The following CCBE1 variants were observed in gnomAD, a reference collection of about 807,000 sequenced individuals.
The protein encoded by CCBE1 is collagen and calcium binding EGF domains 1.
A neutral mutation model predicts 50.0 loss-of-function variants in CCBE1; 37 were observed. The observed-to-expected ratio is 0.74, with a 90% CI of 0.57 to 0.97. The LOEUF (loss-of-function observed/expected upper bound fraction) is 0.97, where lower values mean the gene tolerates loss of function less well. Among genes scored for constraint, CCBE1 ranks in the 50% least tolerant of loss-of-function variants. The pLI is 0.00. For synonymous variants in CCBE1, 234 were observed against 203.7 expected (o/e 1.15, Z -1.27); for missense variants, 538 against 523.8 (o/e 1.03, Z -0.26).
At chr18:59,562,904 T>C (rs1339734073) in intron 2 of CCBE1, among the ~76,000 whole-genome samples, 1 of 152,038 alleles carries the variant, frequency 6.6e-6, no homozygotes, top group East Asian at 1.9e-4. Context: ...TCTCGTTTGT[T>C]TCAGTTCTCT....
chr18:59,527,080 ATC>A (rs1914854634), intron 2 of CCBE1, among the ~76,000 whole-genome samples: 1 of 151,972 alleles, frequency 6.6e-6, no homozygotes, highest in Admixed American at 6.6e-5. Context: ...TCTCTCGATG[ATC>A]TAATATTGAC....
intron 2 of CCBE1, among the ~76,000 whole-genome samples, chr18:59,530,191 G>A (rs1598983847): frequency 6.6e-6 from 1 of 152,180 alleles, no homozygotes; most frequent in Non-Finnish European, 1.5e-5. Context: ...CACTGGCAGA[G>A]AAGAGGCACC....
intron 2 of CCBE1, among the ~76,000 whole-genome samples, chr18:59,601,613 C>T (rs2053435723): frequency 6.6e-6 from 1 of 152,184 alleles, no homozygotes. Flanking sequence ...GTTCAGGCTG[C>T]TCTCAAAGTT....
chr18:59,596,365 T>C (rs906090174), intron 2 of CCBE1, among the ~76,000 whole-genome samples: 1 of 152,216 alleles, frequency 6.6e-6, no homozygotes, highest in Non-Finnish European at 1.5e-5. Context: ...TAATCATTAG[T>C]CTTCCTTGTT....
intron 5 of CCBE1, among the ~76,000 whole-genome samples, chr18:59,458,390 C>T (rs767429535): frequency 3.4e-4 from 51 of 152,142 alleles, no homozygotes; most frequent in Non-Finnish European, 6.6e-4. Flanking sequence ...AGAGCGGGGC[C>T]GCCATGAACA....
chr18:59,656,795 T>A (rs2054196488), intron 2 of CCBE1, among the ~76,000 whole-genome samples: 1 of 152,234 alleles, frequency 6.6e-6, no homozygotes, highest in African/African-American at 2.4e-5. Context: ...TATCTTACAC[T>A]AATATGACCA....
At chr18:59,691,109 T>C (rs995468882) in intron 2 of CCBE1, among the ~76,000 whole-genome samples, 1 of 152,256 alleles carries the variant, frequency 6.6e-6, no homozygotes, top group African/African-American at 2.4e-5. Flanking sequence ...GAGAAGTTCC[T>C]GAAGACCTAA....
chr18:59,684,803 A>G (rs915523323), intron 2 of CCBE1, among the ~76,000 whole-genome samples: 2 of 152,332 alleles, frequency 1.3e-5, no homozygotes, highest in African/African-American at 4.8e-5. Context: ...TTGAGTTATA[A>G]CTATCTGGTC....
intron 2 of CCBE1, among the ~76,000 whole-genome samples, chr18:59,536,105 G>T (rs966564408): frequency 6.6e-6 from 1 of 152,156 alleles, no homozygotes; most frequent in Non-Finnish European, 1.5e-5. Flanking sequence ...CATTTGTAAA[G>T]GTCTGAAATA....
intron 2 of CCBE1, among the ~76,000 whole-genome samples, chr18:59,617,735 A>AT (rs772712353): frequency 8.3e-4 from 127 of 152,318 alleles, no homozygotes; most frequent in Admixed American, 2.1e-3. Context: ...AAGCATCTGC[A>AT]TTAGTAGAAA....
intron 2 of CCBE1, among the ~76,000 whole-genome samples, chr18:59,560,563 C>A (rs2052721255): frequency 6.6e-6 from 1 of 152,226 alleles, no homozygotes; most frequent in South Asian, 2.1e-4. Context: ...ACATGTATAC[C>A]TATGTAACAA....
At chr18:59,633,299 A>C (rs1190422767) in intron 2 of CCBE1, among the ~76,000 whole-genome samples, 1 of 152,210 alleles carries the variant, frequency 6.6e-6, no homozygotes, top group Non-Finnish European at 1.5e-5. Context: ...ATTACATGAA[A>C]ATAACACTGG....
chr18:59,551,511 A>G (rs967888583), intron 2 of CCBE1, among the ~76,000 whole-genome samples: 8 of 152,328 alleles, frequency 5.3e-5, no homozygotes, highest in South Asian at 2.1e-4. Flanking sequence ...CACCATGGCT[A>G]TATCATCACT....
chr18:59,528,238 C>T (rs916009036), intron 2 of CCBE1, among the ~76,000 whole-genome samples: 2 of 152,186 alleles, frequency 1.3e-5, no homozygotes, highest in African/African-American at 4.8e-5. Flanking sequence ...AGTCTTCAAG[C>T]TCTAAAATTC....
intron 7 of CCBE1, among the ~76,000 whole-genome samples, chr18:59,443,579 G>C: frequency 6.6e-6 from 1 of 150,876 alleles, no homozygotes; most frequent in Non-Finnish European, 1.5e-5. Context: ...CAATTCTCCC[G>C]CCTCAACCTC....
intron 1 of CCBE1, 43 bp downstream of exon 1, chr18:59,697,169 A>G (rs1306974462): frequency 1.9e-6 from 3 of 1,546,648 alleles, no homozygotes; most frequent in East Asian, 4.9e-5. Context: ...CCGGGCGCGC[A>G]TCAAGCAGGA....
At chr18:59,618,406 A>G (rs2251582) in intron 2 of CCBE1, among the ~76,000 whole-genome samples, 21,913 of 152,062 alleles carry the variant, frequency 0.14, 1,885 homozygotes, top group African/African-American at 0.24. Context: ...ATCTTCAGAC[A>G]CATACATCTA....
chr18:59,696,321 C>G, intron 2 of CCBE1: 1 of 485,358 alleles, frequency 2.1e-6, no homozygotes, highest in Non-Finnish European at 3.6e-6. Flanking sequence ...TTGCTATGCC[C>G]CACTGTTTAC....
At chr18:59,518,951 A>G (rs535756172) in intron 2 of CCBE1, among the ~76,000 whole-genome samples, 1 of 152,164 alleles carries the variant, frequency 6.6e-6, no homozygotes, top group Non-Finnish European at 1.5e-5. Context: ...TCCCAGCTGG[A>G]TTAAGCTCCA....
Sources: allele counts gnomAD v4.1 joint callset (sites outside exome capture counted in the v4.1 genomes callset), GRCh38; gene constraint gnomAD v4.1.1; transcripts MANE v1.5; gene names NCBI Gene and HGNC (gene_info 2026-07-23, HGNC 2026-07-21).